DYNC2H1: variants seen among roughly 807,000 people sequenced by gnomAD.
The protein encoded by DYNC2H1 is dynein cytoplasmic 2 heavy chain 1.
Under a neutral mutation model 570.0 loss-of-function variants are expected in DYNC2H1, and 410 were observed. That is an observed-to-expected ratio of 0.72 (90% confidence interval 0.66 to 0.78). The LOEUF (loss-of-function observed/expected upper bound fraction) is 0.78, where lower values mean the gene tolerates loss of function less well. Ranked by LOEUF, DYNC2H1 falls within the 30% of genes least tolerant of loss-of-function variation. DYNC2H1 has a pLI of 0.00. For missense variants in DYNC2H1, 4,865 were observed against 5,046.4 expected (o/e 0.96, Z 1.09); for synonymous variants, 1,688 against 1,677.6 (o/e 1.01, Z -0.15).
intron 84 of DYNC2H1, among the ~76,000 whole-genome samples, chr11:103,413,658 A>G (rs1003106281): frequency 6.6e-6 from 1 of 152,126 alleles, no homozygotes; most frequent in Non-Finnish European, 1.5e-5. Context: ...ACTGAACTGC[A>G]TATACTCATC....
At position 103,184,994 on chromosome 11, in the gene DYNC2H1, C is replaced by T. The variant is rs1862010250; in HGVS notation, c.6576C>T (p.Leu2192=). The T allele has an allele frequency of 9.3e-6, 15 of 1,610,566 alleles. No individual in the cohort carries two copies. Among genetic ancestry groups the T allele is most frequent in the South Asian group, 7.7e-5 (7 of 90,840 alleles). The change falls in exon 41 of 89, where the codon CTC becomes CTT. Residue 2192 remains leucine, a synonymous_variant. Transcript: ENST00000375735. ...ATCATGACGAATTCATTATTAATCT[C>T]ATAAGGGGACTTGGTGGAAATCTGA... ...CRDHDEFIIN[L]IRGLGGNLNM...
At position 103,324,986 on chromosome 11, in the gene DYNC2H1, G is replaced by A. The variant is rs537945513; in HGVS notation, c.12039+996G>A. On this transcript the variant is annotated intron_variant, in intron 82 of 88. Transcript: ENST00000375735. The surrounding 1 kb of genome is among the most constrained non-coding windows in gnomAD (Gnocchi z 5.2). ...CACAATGTCAAATATTTTTTCATAT[G>A]TTTATTGGCCGTATGTATGTCTTCT... Among the ~76,000 whole-genome samples the A allele has an allele frequency of 6.6e-6, 1 of 152,026 alleles. No homozygotes were observed. The highest frequency in any genetic ancestry group is 6.5e-5 in the Admixed American group (1 of 15,270).
At chr11:103,318,954 T>C (rs956694965) in intron 80 of DYNC2H1, among the ~76,000 whole-genome samples, 1 of 152,180 alleles carries the variant, frequency 6.6e-6, no homozygotes, top group Admixed American at 6.5e-5. Flanking sequence ...CTGTTGTTTT[T>C]AATATTTGAC....
At chr11:103,447,594 A>T (rs1944468676) in intron 85 of DYNC2H1, among the ~76,000 whole-genome samples, 1 of 152,156 alleles carries the variant, frequency 6.6e-6, no homozygotes, top group Non-Finnish European at 1.5e-5. Context: ...CCATTACCAC[A>T]TTCATCAAAT....
At chr11:103,148,840 C>T (rs933144341) in intron 20 of DYNC2H1, among the ~76,000 whole-genome samples, 6 of 152,090 alleles carry the variant, frequency 3.9e-5, no homozygotes, top group African/African-American at 4.8e-5. Context: ...AGGCAGATCA[C>T]GAGGTTGGGA....
intron 85 of DYNC2H1, among the ~76,000 whole-genome samples, chr11:103,452,368 G>A (rs1944637692): frequency 6.6e-6 from 1 of 150,568 alleles, no homozygotes; most frequent in Non-Finnish European, 1.5e-5. Flanking sequence ...TCATGCTTTT[G>A]GCCCTTTGGG....
chr11:103,391,663 A>T (rs1445310043), intron 83 of DYNC2H1, among the ~76,000 whole-genome samples: 2 of 152,200 alleles, frequency 1.3e-5, no homozygotes, highest in Admixed American at 6.5e-5. Context: ...GGTGATGTAC[A>T]GATGGGGTTT....
At chr11:103,165,409 G>A (rs12364869) in intron 30 of DYNC2H1, among the ~76,000 whole-genome samples, 7,580 of 152,260 alleles carry the variant, frequency 0.05, 257 homozygotes, top group Non-Finnish European at 0.071. Flanking sequence ...GATTACAGGC[G>A]TGAGCCACCG....
In DYNC2H1 at chr11:103,203,575, G is replaced by A; in HGVS notation, c.8198-88G>A. On this transcript the variant is annotated intron_variant, in intron 50 of 88. Transcript: ENST00000375735. This position sits in a 1 kb window ranked among gnomAD's most constrained non-coding sequence, Gnocchi z 4.7. ...AAGTTTGTATATTTTTGGAAATAAA[G>A]ATTGAATAAGAGCAGATTTTTAAAT... is the stretch of plus-strand genomic sequence containing the variant. 1 of 791,728 alleles carries A rather than the reference G, an allele frequency of 1.3e-6. No individual in the cohort carries two copies. The highest frequency in any genetic ancestry group is 1.9e-6 in the Non-Finnish European group (1 of 516,916). 49.0% of individuals were successfully genotyped at this position (791,728 alleles called of 1,614,324 possible).
Position 103,471,967 on chromosome 11 carries a change from T to C in DYNC2H1, c.12765+3262T>C, listed in dbSNP as rs964302221. Among the ~76,000 whole-genome samples the C allele has an allele frequency of 3.9e-5, 6 of 152,314 alleles. No homozygotes were observed. The East Asian group carries it at 7.7e-4, about 20-fold the overall frequency. Reference sequence around the variant, plus strand: ...TTCTCTTGAACTGTTACTTGAACTTTAGTAATAACAGTTTAAGGACAAATT... The same window carrying C: ...TTCTCTTGAACTGTTACTTGAACTTCAGTAATAACAGTTTAAGGACAAATT... On this transcript the variant is annotated intron_variant, in intron 88 of 88. Transcript: ENST00000375735.
intron 84 of DYNC2H1, among the ~76,000 whole-genome samples, chr11:103,434,478 C>T (rs538963429): frequency 2.7e-5 from 4 of 146,440 alleles, no homozygotes; most frequent in African/African-American, 7.6e-5. Context: ...TAGTATTCTT[C>T]TAGAAGTCCT....
intron 82 of DYNC2H1, among the ~76,000 whole-genome samples, chr11:103,352,313 A>T (rs950668883): frequency 1.3e-5 from 2 of 152,028 alleles, no homozygotes; most frequent in Admixed American, 6.6e-5. Flanking sequence ...TGTGTAATTT[A>T]TAAGTTTTAC....
At position 103,318,051 on chromosome 11, in the gene DYNC2H1, A is replaced by G. The variant is rs1056490569; in HGVS notation, c.11725+1431A>G. Among the ~76,000 whole-genome samples, 3 of 152,114 alleles carry G rather than the reference A, an allele frequency of 2.0e-5. No individual in the cohort carries two copies. In the East Asian group the frequency reaches 5.8e-4, roughly 29 times the overall value. On this transcript the variant is annotated intron_variant, in intron 80 of 88. Coordinates refer to ENST00000375735, the MANE Select transcript of DYNC2H1 (RefSeq NM_001377.3). ...GTTAATAGCATCAGAAATTTTTTCTATAACTTGTCTTTGGCAAAAGGATAA... is the reference window on the plus strand; with the variant it reads ...GTTAATAGCATCAGAAATTTTTTCTGTAACTTGTCTTTGGCAAAAGGATAA...
At chr11:103,124,619 G>T (rs1177736361) in intron 11 of DYNC2H1, among the ~76,000 whole-genome samples, 1 of 151,986 alleles carries the variant, frequency 6.6e-6, no homozygotes, top group East Asian at 1.9e-4. Context: ...CACAAAAAAG[G>T]ACAATTATTA....
At chr11:103,399,464 G>A (rs187362511) in intron 83 of DYNC2H1, among the ~76,000 whole-genome samples, 199 bp from the exon 84 acceptor site, 45 of 151,876 alleles carry the variant, frequency 3.0e-4, no homozygotes, top group Admixed American at 1.6e-3. Flanking sequence ...CCCACACACC[G>A]CTTTAAATGT....
intron 87 of DYNC2H1, among the ~76,000 whole-genome samples, chr11:103,466,173 G>A (rs313858): frequency 0.33 from 49,945 of 151,956 alleles, 9,239 homozygotes; most frequent in East Asian, 0.53. Flanking sequence ...AGTGGAGTTG[G>A]TTACAAATTA....
chr11:103,365,907 A>G (rs1293436913), intron 83 of DYNC2H1, among the ~76,000 whole-genome samples: 1 of 152,258 alleles, frequency 6.6e-6, no homozygotes, highest in Non-Finnish European at 1.5e-5. Flanking sequence ...ATAGACGCAG[A>G]TAAGAACAAA....
rs1862174758 is a variant in DYNC2H1, at chr11:103,188,667, C to G, written c.7292+19C>G. On this transcript the variant is annotated intron_variant, in intron 44 of 88. Transcript: ENST00000375735. ...CTATAGAGTATGTATCTTTGTGTTT[C>G]AGATTTTTTAATTTGGGAAGATATC... 1.3e-6 allele frequency: 2 copies of G among 1,483,212 alleles called. No individual in the cohort carries two copies. Among genetic ancestry groups the G allele is most frequent in the Admixed American group, 4.1e-5 (2 of 48,604 alleles). The allele number at this position is 1,483,212 out of a possible 1,614,324, so 91.9% of individuals were successfully genotyped here. A position where few individuals can be genotyped will look rare whatever the true frequency, so the allele number is the denominator to read the frequency against.
At chr11:103,425,726 GA>G (rs1684277700) in intron 84 of DYNC2H1, among the ~76,000 whole-genome samples, 3 of 101,834 alleles carry the variant, frequency 2.9e-5, no homozygotes. Context: ...AAAATTTTAA[GA>G]CTTGGCTCTC....
Sources: gnomAD v4.1 joint callset for allele counts (sites outside exome capture counted in the v4.1 genomes callset) on GRCh38, gnomAD v4.1.1 for gene constraint, Gnocchi (gnomAD v3.1) non-coding constraint, MANE v1.5 for transcripts, NCBI Gene and HGNC (gene_info 2026-07-23, HGNC 2026-07-21) for gene names.